The following FSIP1 variants were observed in gnomAD, a reference collection of about 807,000 sequenced individuals.
The protein encoded by FSIP1 is fibrous sheath interacting protein 1, also known as fibrous sheath-interacting protein 1.
Under a neutral mutation model 60.9 loss-of-function variants are expected in FSIP1, and 65 were observed. That is an observed-to-expected ratio of 1.07 (90% CI 0.87 to 1.31). FSIP1 has a LOEUF of 1.31. Ranked by LOEUF, FSIP1 falls within the 40% of genes most tolerant of loss-of-function variation. FSIP1 has a pLI of 0.00. For synonymous variants in FSIP1, 209 were observed against 221.2 expected (o/e 0.94, Z 0.49); for missense variants, 675 against 665.5 (o/e 1.01, Z -0.16).
intron 10 of FSIP1, among the ~76,000 whole-genome samples, chr15:39,697,062 G>GC (rs1048204177): frequency 7.2e-5 from 11 of 151,914 alleles, no homozygotes; most frequent in African/African-American, 2.7e-4. Flanking sequence ...ATGCCTGAAT[G>GC]CCCCCAAAAG....
At chr15:39,658,525 C>T (rs1267789929) in intron 10 of FSIP1, among the ~76,000 whole-genome samples, 4 of 152,198 alleles carry the variant, frequency 2.6e-5, no homozygotes, top group Non-Finnish European at 5.9e-5. Context: ...GCTGGGATTA[C>T]AGGCGTGAGC....
chr15:39,772,872 T>C (rs1341876480), intron 2 of FSIP1, among the ~76,000 whole-genome samples: 1 of 152,172 alleles, frequency 6.6e-6, no homozygotes, highest in Non-Finnish European at 1.5e-5. Context: ...GTTACAGGCG[T>C]GAGCCACCGT....
intron 5 of FSIP1, among the ~76,000 whole-genome samples, chr15:39,743,836 C>G (rs2140650139): frequency 6.6e-6 from 1 of 152,246 alleles, no homozygotes; most frequent in South Asian, 2.1e-4. Flanking sequence ...AAACTCATAA[C>G]CTGAACCTAA....
At chr15:39,736,385 G>A (rs1055090973) in intron 8 of FSIP1, among the ~76,000 whole-genome samples, 2 of 152,234 alleles carry the variant, frequency 1.3e-5, no homozygotes, top group African/African-American at 4.8e-5. Flanking sequence ...GTGATATTCT[G>A]TAGATATGTT....
At position 39,738,844 on chromosome 15, in the gene FSIP1, T is replaced by C. The variant is rs371070194; in HGVS notation, c.781-643A>G. ...AATCGAGAGTCCCAGAGGCCAGTCC[T>C]GGCAGTGGCAGGCTGCCCCACGAAT... On this transcript the variant is annotated intron_variant, in intron 7 of 11. Transcript: ENST00000350221. 1.1e-4 allele frequency among the ~76,000 whole-genome samples: 16 copies of C among 152,340 alleles called. No individual in the cohort carries two copies. In the East Asian group the frequency reaches 2.1e-3, roughly 20 times the overall value.
intron 3 of FSIP1, among the ~76,000 whole-genome samples, chr15:39,769,278 C>CAAA (rs536401282): frequency 5.8e-5 from 5 of 85,828 alleles, no homozygotes; most frequent in African/African-American, 1.3e-4. Context: ...GACTCCGTCT[C>CAAA]AAAAAAAAAA....
intron 5 of FSIP1, among the ~76,000 whole-genome samples, chr15:39,747,150 C>T (rs1897027766): frequency 6.6e-6 from 1 of 151,098 alleles, no homozygotes; most frequent in Non-Finnish European, 1.5e-5. Flanking sequence ...AACCATAATC[C>T]TAACTATACA....
At chr15:39,712,220 A>C (rs1895547243) in intron 10 of FSIP1, among the ~76,000 whole-genome samples, 1 of 152,068 alleles carries the variant, frequency 6.6e-6, no homozygotes, top group African/African-American at 2.4e-5. Context: ...GTGGGCCTGC[A>C]GGCAGTGAGG....
intron 10 of FSIP1, among the ~76,000 whole-genome samples, chr15:39,635,710 A>G (rs1209352618): frequency 6.6e-6 from 1 of 152,178 alleles, no homozygotes; most frequent in Non-Finnish European, 1.5e-5. Context: ...TCCCATTATC[A>G]GTAGCCATTC....
chr15:39,638,565 T>A (rs1475718421), intron 10 of FSIP1, among the ~76,000 whole-genome samples: 1 of 152,236 alleles, frequency 6.6e-6, no homozygotes, highest in Non-Finnish European at 1.5e-5. Context: ...CTTGCTACAA[T>A]CTTCAGAGTA....
intron 10 of FSIP1, among the ~76,000 whole-genome samples, chr15:39,690,242 C>T (rs191609360): frequency 3.5e-4 from 54 of 152,146 alleles, no homozygotes; most frequent in African/African-American, 1.3e-3. Flanking sequence ...GGTTACAGGG[C>T]CATTATAGGA....
At chr15:39,611,513 C>A (rs1264286066) in intron 11 of FSIP1, among the ~76,000 whole-genome samples, 1 of 151,544 alleles carries the variant, frequency 6.6e-6, no homozygotes, top group African/African-American at 2.4e-5. Context: ...AATAGTTGCA[C>A]AAAATATAAA....
At chr15:39,723,949 A>T (rs1165061289) in intron 9 of FSIP1, among the ~76,000 whole-genome samples, 1 of 152,260 alleles carries the variant, frequency 6.6e-6, no homozygotes, top group Non-Finnish European at 1.5e-5. Flanking sequence ...GAAATGCCAA[A>T]GGGAAATTGA....
At chr15:39,664,460 T>C (rs994182517) in intron 10 of FSIP1, among the ~76,000 whole-genome samples, 10 of 152,186 alleles carry the variant, frequency 6.6e-5, no homozygotes, top group African/African-American at 2.4e-4. Flanking sequence ...CCTTTAGGAC[T>C]ACAGCAAAAT....
intron 5 of FSIP1, among the ~76,000 whole-genome samples, chr15:39,758,588 G>C (rs1014011586): frequency 6.6e-6 from 1 of 151,962 alleles, no homozygotes; most frequent in Non-Finnish European, 1.5e-5. Context: ...AAATATATTA[G>C]TAAGTTGTAC....
intron 1 of FSIP1, among the ~76,000 whole-genome samples, chr15:39,778,264 G>T (rs967017221): frequency 1.3e-5 from 2 of 152,178 alleles, no homozygotes; most frequent in Admixed American, 1.3e-4. Context: ...CTTGCAGAGG[G>T]AGCAATGAGA....
chr15:39,712,350 A>G (rs1895551973), intron 10 of FSIP1, among the ~76,000 whole-genome samples: 1 of 152,186 alleles, frequency 6.6e-6, no homozygotes, highest in African/African-American at 2.4e-5. Flanking sequence ...GGTGCAGCAT[A>G]TTAAGTGGAA....
chr15:39,731,983 G>A (rs780627584), intron 8 of FSIP1, among the ~76,000 whole-genome samples: 14 of 152,156 alleles, frequency 9.2e-5, no homozygotes, highest in Non-Finnish European at 1.6e-4. Flanking sequence ...TTTGGCCCCA[G>A]GGACAGGTTT....
intron 10 of FSIP1, among the ~76,000 whole-genome samples, chr15:39,674,197 G>A (rs1435478008): frequency 6.6e-6 from 1 of 151,932 alleles, no homozygotes; most frequent in Non-Finnish European, 1.5e-5. Context: ...TGGGACTACA[G>A]GCACCCACCA....
Sources: gnomAD v4.1 joint callset for allele counts (sites outside exome capture counted in the v4.1 genomes callset) on GRCh38, gnomAD v4.1.1 for gene constraint, MANE v1.5 for transcripts, NCBI Gene and HGNC (gene_info 2026-07-23, HGNC 2026-07-21) for gene names.